CATIP: variants seen among roughly 807,000 people sequenced by gnomAD.
The protein encoded by CATIP is ciliogenesis-associated TTC17-interacting protein.
Under a neutral mutation model 42.5 loss-of-function variants are expected in CATIP, and 40 were observed. The observed-to-expected ratio is 0.94, with a 90% CI of 0.73 to 1.22. The LOEUF (loss-of-function observed/expected upper bound fraction) is 1.22. CATIP is among the 50% of genes most tolerant of loss of function. The pLI is 0.00. For synonymous variants in CATIP, 222 were observed against 200.2 expected (o/e 1.11, Z -0.92); for missense variants, 489 against 496.0 (o/e 0.99, Z 0.13).
At chr2:218,367,609 C>G in intron 9 of CATIP, 91 bp downstream of exon 9, 1 of 1,600,804 alleles carries the variant, frequency 6.2e-7, no homozygotes, top group South Asian at 1.1e-5. Context: ...AATGCACACC[C>G]GTAGGGGCTA....
chr2:218,366,735 T>C (rs532772963), intron 7 of CATIP: 36 of 398,606 alleles, frequency 9.0e-5, no homozygotes, highest in South Asian at 6.8e-4. Context: ...GGTTGGTTTC[T>C]GGTGAGGGCT....
intron 2 of CATIP, 29 bp downstream of exon 2, chr2:218,357,216 G>A: frequency 1.9e-6 from 3 of 1,555,398 alleles, no homozygotes; most frequent in Non-Finnish European, 2.7e-6. Context: ...GGGGTTGGGG[G>A]TGCGGGAGGG....
intron 7 of CATIP, 98 bp from the exon 8 acceptor site, chr2:218,366,926 C>T: frequency 1.1e-6 from 1 of 929,332 alleles, no homozygotes; most frequent in Non-Finnish European, 1.7e-6. Context: ...AAAGCCCCTA[C>T]CTCCAAATAC....
Position 218,367,830 on chromosome 2 carries a change from G to GTC in CATIP, c.1031_1032dup (p.Thr345SerfsTer80). 1 of 1,613,146 alleles carries GTC rather than the reference G, an allele frequency of 6.2e-7. No individual in the cohort carries two copies. Among genetic ancestry groups the GTC allele is most frequent in the African/African-American group, 1.3e-5 (1 of 75,058 alleles). ...GCTGCTGCGCCAGCCGGAGGACGTGGTCACCTTCGCCGCCGAGTTCTTCGG... is the reference window on the plus strand; with the variant it reads ...GCTGCTGCGCCAGCCGGAGGACGTGGTCTCACCTTCGCCGCCGAGTTCTTCGG... On this transcript the variant is annotated frameshift_variant, in exon 10 of 10. Transcript: ENST00000289388. LOFTEE classifies it low-confidence loss of function (END_TRUNC).
chr2:218,367,629 A>G (rs1186371084), intron 9 of CATIP, 93 bp from the exon 10 acceptor site: 14 of 1,590,248 alleles, frequency 8.8e-6, no homozygotes, highest in Non-Finnish European at 1.2e-5. Flanking sequence ...AGAAGGCTCC[A>G]GCGCCCCTTA....
chr2:218,367,397 AG>A, intron 8 of CATIP, 32 bp from the exon 9 acceptor site: 1 of 1,586,014 alleles, frequency 6.3e-7, no homozygotes, highest in Non-Finnish European at 8.7e-7. Context: ...GTTCCGGGGT[AG>A]GGACGCCCAG....
At chr2:218,357,922 T>C in intron 3 of CATIP, 115 bp from the exon 4 acceptor site, 1 of 1,119,794 alleles carries the variant, frequency 8.9e-7, no homozygotes, top group Non-Finnish European at 1.4e-6. Context: ...ACCCATCCTG[T>C]AGTTTTTCTG....
At chr2:218,361,251 G>A (rs1297432810) in intron 5 of CATIP, among the ~76,000 whole-genome samples, 1 of 152,010 alleles carries the variant, frequency 6.6e-6, no homozygotes, top group Non-Finnish European at 1.5e-5. Flanking sequence ...GCAGGCGCCT[G>A]TAGTCCCAGC....
intron 4 of CATIP, among the ~76,000 whole-genome samples, 164 bp downstream of exon 4, chr2:218,358,256 T>C (rs1222955860): frequency 6.6e-6 from 1 of 152,224 alleles, no homozygotes; most frequent in African/African-American, 2.4e-5. Flanking sequence ...AGCAACGCAC[T>C]TCAGAAAACT....
intron 7 of CATIP, among the ~76,000 whole-genome samples, chr2:218,365,190 G>A (rs1347469962): frequency 2.6e-5 from 4 of 152,062 alleles, no homozygotes; most frequent in Admixed American, 2.6e-4. Flanking sequence ...TGAGGCGGGC[G>A]GATCATGAGG....
At chr2:218,360,374 TCTC>T (rs1695191217) in intron 4 of CATIP, among the ~76,000 whole-genome samples, 196 bp from the exon 5 acceptor site, 1 of 151,498 alleles carries the variant, frequency 6.6e-6, no homozygotes, top group Non-Finnish European at 1.5e-5. Flanking sequence ...GTGGTCTCAA[TCTC>T]CTGACCTCGT....
intron 8 of CATIP, 63 bp from the exon 9 acceptor site, chr2:218,367,367 T>C (rs537432760): frequency 1.4e-6 from 2 of 1,452,948 alleles, no homozygotes; most frequent in African/African-American, 2.8e-5. Flanking sequence ...TCTCGGGATC[T>C]CGCTGTGTAT....
intron 4 of CATIP, among the ~76,000 whole-genome samples, 154 bp from the exon 5 acceptor site, chr2:218,360,419 G>C (rs947322333): frequency 2.0e-5 from 3 of 152,154 alleles, no homozygotes; most frequent in African/African-American, 4.8e-5. Flanking sequence ...CACAGTGCTA[G>C]GATTACAGGC....
At chr2:218,363,507 A>C (rs1342516462) in intron 6 of CATIP, among the ~76,000 whole-genome samples, 1 of 148,832 alleles carries the variant, frequency 6.7e-6, no homozygotes, top group South Asian at 2.1e-4. Context: ...ACAAAAAAAA[A>C]AAAACGTCAT....
intron 5 of CATIP, 73 bp downstream of exon 5, chr2:218,360,732 A>G: frequency 1.7e-6 from 2 of 1,183,806 alleles, no homozygotes; most frequent in Non-Finnish European, 2.5e-6. Context: ...GTCCAGATCA[A>G]TTTAGAGAGT....
intron 7 of CATIP, 131 bp downstream of exon 7, chr2:218,364,883 T>G (rs1695371958): frequency 9.8e-7 from 1 of 1,018,306 alleles, no homozygotes; most frequent in African/African-American, 1.6e-5. Flanking sequence ...TTTATCCATA[T>G]CATTCACTCT....
In CATIP at chr2:218,362,868, T is replaced by C. The variant is rs1465538682; in HGVS notation, c.596T>C (p.Leu199Ser). The change falls in exon 6 of 10, where the codon TTG becomes TCG. Residue 199 changes from leucine (L) to serine (S), a missense_variant. Physicochemically the swap from Leu to Ser is moderately radical, Grantham distance 145. Transcript: ENST00000289388. Reference protein sequence around the residue: ...MVPSNARFLTLDTEGKLCYLT... With the variant: ...MVPSNARFLTSDTEGKLCYLT... ...CCCAGCAATGCCCGCTTCCTGACCTTGGACACCGAGGGCAAACTCTGCTAT... is the reference window on the plus strand; with the variant it reads ...CCCAGCAATGCCCGCTTCCTGACCTCGGACACCGAGGGCAAACTCTGCTAT... 6.2e-7 allele frequency: 1 copy of C among 1,613,868 alleles called. No homozygotes were observed. The highest frequency in any genetic ancestry group is 8.5e-7 in the Non-Finnish European group (1 of 1,179,940).
chr2:218,363,452 C>G (rs1049703227), intron 6 of CATIP, among the ~76,000 whole-genome samples: 3 of 150,088 alleles, frequency 2.0e-5, no homozygotes, highest in African/African-American at 7.4e-5. Context: ...CGCCACTGCA[C>G]TCCCGCCTGG....
intron 5 of CATIP, 40 bp from the exon 6 acceptor site, chr2:218,362,695 T>G: frequency 6.3e-7 from 1 of 1,593,102 alleles, no homozygotes; most frequent in Non-Finnish European, 8.6e-7. Context: ...CCCTGCCCCT[T>G]CCTGGTTCCA....
Sources: allele counts gnomAD v4.1 joint callset (sites outside exome capture counted in the v4.1 genomes callset), GRCh38; gene constraint gnomAD v4.1.1; transcripts MANE v1.5; gene names NCBI Gene and HGNC (gene_info 2026-07-23, HGNC 2026-07-21).